The following PCBP3 variants were observed in gnomAD, a reference collection of about 807,000 sequenced individuals.
PCBP3 encodes the protein poly(rC)-binding protein 3.
A neutral mutation model predicts 52.7 loss-of-function variants in PCBP3; 25 were observed. The ratio of observed to expected loss-of-function variants is 0.47; its 90% CI spans 0.35 to 0.66. The LOEUF is 0.66. Among genes scored for constraint, PCBP3 ranks in the 30% least tolerant of loss-of-function variants. The pLI, the probability that PCBP3 is intolerant of heterozygous loss-of-function variation, is 0.01. For missense variants in PCBP3, 391 were observed against 490.3 expected, an observed-to-expected ratio of 0.80 and a Z score of 1.91; for synonymous variants, 162 against 183.0, an observed-to-expected ratio of 0.89 and a Z score of 0.93.
At position 45,851,617 on chromosome 21, in the gene PCBP3, G is replaced by GGATA. The variant is rs578203325; in HGVS notation, c.10+1544_10+1547dup. Among the ~76,000 whole-genome samples the GGATA allele has an allele frequency of 2.7e-3, 401 of 148,374 alleles. 2 individuals are homozygous for GGATA. Among genetic ancestry groups the GGATA allele is most frequent in the Middle Eastern group, 3.7e-3 (1 of 272 alleles). Reference sequence around the variant, plus strand: ...TAAATAAAAATAAATATAGATGGATGGATAGATAGATAGATAGATAGATAG... The same window carrying GGATA: ...TAAATAAAAATAAATATAGATGGATGGATAGATAGATAGATAGATAGATAGATAG... On this transcript the variant is annotated intron_variant, in intron 5 of 17. Transcript: ENST00000681687.
chr21:45,809,807 TC>T (rs1009793805), intron 4 of PCBP3, among the ~76,000 whole-genome samples: 57 of 152,074 alleles, frequency 3.7e-4, no homozygotes, highest in Admixed American at 4.6e-4. Context: ...TTCTAGGGGG[TC>T]CTAAGGCTTC....
Position 45,724,829 on chromosome 21 carries a change from G to T in PCBP3, c.-199-10563G>T, listed in dbSNP as rs2084912428. Among the ~76,000 whole-genome samples, 1 of 152,150 alleles carries T rather than the reference G, an allele frequency of 6.6e-6. No homozygotes were observed. Among genetic ancestry groups the T allele is most frequent in the Non-Finnish European group, 1.5e-5 (1 of 68,036 alleles). Reference sequence around the variant, plus strand: ...GCTGCTCTGGTCTGAGAAAGTGGGTGGCAGGAGGACAGGACGGCCTCTCTG... The same window carrying T: ...GCTGCTCTGGTCTGAGAAAGTGGGTTGCAGGAGGACAGGACGGCCTCTCTG... On this transcript the variant is annotated intron_variant, in intron 2 of 17. Coordinates refer to ENST00000681687, the MANE Select transcript of PCBP3 (RefSeq NM_001384156.1). The surrounding 1 kb of genome is among the most constrained non-coding windows in gnomAD (Gnocchi z 5.3).
chr21:45,934,551 A>G (rs2076675744), intron 15 of PCBP3, among the ~76,000 whole-genome samples: 1 of 152,240 alleles, frequency 6.6e-6, no homozygotes, highest in Non-Finnish European at 1.5e-5. Context: ...GCAGCTTTTC[A>G]TTGGCCCTAG....
chr21:45,923,407 A>G (rs901034764), intron 13 of PCBP3, among the ~76,000 whole-genome samples: 1 of 152,122 alleles, frequency 6.6e-6, no homozygotes, highest in African/African-American at 2.4e-5. Context: ...CACTCCTTTC[A>G]TGAAACAAGA....
chr21:45,815,549 A>G (rs867927263), intron 4 of PCBP3, among the ~76,000 whole-genome samples: 4 of 10,220 alleles, frequency 3.9e-4, no homozygotes, highest in African/African-American at 1.9e-3. Flanking sequence ...GTAGTGAGTG[A>G]TGAGTGGTGA....
intron 1 of PCBP3, among the ~76,000 whole-genome samples, chr21:45,645,982 C>T (rs937777951): frequency 5.9e-5 from 9 of 151,706 alleles, no homozygotes; most frequent in African/African-American, 2.2e-4. Flanking sequence ...AGCTCTCATC[C>T]CTGGTGGCAG....
chr21:45,871,295 C>T (rs114557455), intron 5 of PCBP3: 2,769 of 160,520 alleles, frequency 0.017, 100 homozygotes, highest in African/African-American at 0.064. Context: ...GAGACGGGCA[C>T]CCCCTTGGGA....
chr21:45,747,998 T>TCCGTG (rs1315760741), intron 3 of PCBP3: 2 of 152,302 alleles, frequency 1.3e-5, no homozygotes, highest in East Asian at 3.9e-4. Flanking sequence ...TCATCCCTCC[T>TCCGTG]CCGTGCCGTG....
intron 1 of PCBP3, 111 bp downstream of exon 1, chr21:45,643,979 C>G (rs929956399): frequency 6.7e-6 from 1 of 148,994 alleles, no homozygotes; most frequent in African/African-American, 2.4e-5. Context: ...CGGCAAACTT[C>G]GCCCGAGCCG....
chr21:45,784,776 G>A (rs113008329), intron 4 of PCBP3, among the ~76,000 whole-genome samples: 5 of 152,066 alleles, frequency 3.3e-5, no homozygotes, highest in Admixed American at 2.0e-4. Context: ...AATGGTGCCC[G>A]GGCTGGAGTG....
rs771453913 is a variant in PCBP3 at position 45,707,704 on chromosome 21, A to G, written c.-199-27688A>G. ...ATTCCAGAGGACATTTGCCAAATACAGAGGTATTATTAGGAGCATAATATC... is the reference window on the plus strand; with the variant it reads ...ATTCCAGAGGACATTTGCCAAATACGGAGGTATTATTAGGAGCATAATATC... On this transcript the variant is annotated intron_variant, in intron 2 of 17. Coordinates refer to ENST00000681687, the MANE Select transcript of PCBP3 (RefSeq NM_001384156.1). Among the ~76,000 whole-genome samples, 22 of 152,172 alleles carry G rather than the reference A, an allele frequency of 1.4e-4. 1 individual carries two copies. Among genetic ancestry groups the G allele is most frequent in the Non-Finnish European group, 2.9e-4 (20 of 68,026 alleles).
intron 2 of PCBP3, among the ~76,000 whole-genome samples, chr21:45,673,207 G>A (rs2081276270): frequency 6.6e-6 from 1 of 152,138 alleles, no homozygotes; most frequent in Admixed American, 6.5e-5. Flanking sequence ...TTTCTGATTA[G>A]ACTCTTTCTT....
intron 4 of PCBP3, among the ~76,000 whole-genome samples, chr21:45,813,636 G>A (rs1313354142): frequency 3.3e-5 from 5 of 152,176 alleles, no homozygotes; most frequent in African/African-American, 9.7e-5. Flanking sequence ...TAGAGATGGG[G>A]TTTCACCATG....
At chr21:45,866,860 G>C (rs1192427767) in intron 5 of PCBP3, among the ~76,000 whole-genome samples, 1 of 152,182 alleles carries the variant, frequency 6.6e-6, no homozygotes, top group African/African-American at 2.4e-5. Flanking sequence ...GGAGATGCGT[G>C]TACTAGGGCG....
At chr21:45,645,858 A>G (rs1205245466) in intron 1 of PCBP3, among the ~76,000 whole-genome samples, 1 of 152,224 alleles carries the variant, frequency 6.6e-6, no homozygotes, top group Non-Finnish European at 1.5e-5. Flanking sequence ...CCTCTCAGTG[A>G]AGAAGGCAGT....
At chr21:45,767,519 G>A (rs193136447) in intron 4 of PCBP3, among the ~76,000 whole-genome samples, 33 of 152,256 alleles carry the variant, frequency 2.2e-4, no homozygotes, top group Admixed American at 2.0e-3. Flanking sequence ...GTTTTTGTTT[G>A]ACACCTCTTT....
At chr21:45,646,083 TTCTC>T (rs1164554233) in intron 1 of PCBP3, among the ~76,000 whole-genome samples, 33 of 99,608 alleles carry the variant, frequency 3.3e-4, no homozygotes, top group African/African-American at 1.2e-3. Context: ...CTCTCTCTCT[TTCTC>T]TCTCTCTCTC....
At chr21:45,844,915 TTATA>T (rs1202648459) in intron 4 of PCBP3, among the ~76,000 whole-genome samples, 1 of 150,678 alleles carries the variant, frequency 6.6e-6, no homozygotes, top group Admixed American at 6.6e-5. Context: ...TATGCTTTAT[TTATA>T]TATATAGTTT....
intron 10 of PCBP3, 58 bp from the exon 11 acceptor site, chr21:45,910,844 T>G (rs1603495226): frequency 6.6e-7 from 1 of 1,517,360 alleles, no homozygotes; most frequent in South Asian, 1.3e-5. Flanking sequence ...ACTCGGGAGG[T>G]ACTGCTGCCC....
Sources: gnomAD v4.1 joint callset for allele counts (sites outside exome capture counted in the v4.1 genomes callset) on GRCh38, gnomAD v4.1.1 for gene constraint, Gnocchi (gnomAD v3.1) non-coding constraint, MANE v1.5 for transcripts, NCBI Gene and HGNC (gene_info 2026-07-23, HGNC 2026-07-21) for gene names.